The following KCNAB1 variants were observed in gnomAD, a reference collection of about 807,000 sequenced individuals.
The protein encoded by KCNAB1 is potassium voltage-gated channel subfamily A regulatory beta subunit 1, also known as voltage-gated potassium channel subunit beta-1.
Under a neutral mutation model 64.6 loss-of-function variants are expected in KCNAB1, and 35 were observed. That is an observed-to-expected ratio of 0.54 (90% CI 0.41 to 0.72). The LOEUF (loss-of-function observed/expected upper bound fraction) is 0.72. Ranked by LOEUF, KCNAB1 falls within the 30% of genes least tolerant of loss-of-function variation. The probability of loss-of-function intolerance (pLI) is 0.00; values close to 1 mark genes in which losing one functional copy is unlikely to be tolerated. For missense variants in KCNAB1, 401 were observed against 512.9 expected, an observed-to-expected ratio of 0.78 and a Z score of 2.11; for synonymous variants, 177 against 183.8, an observed-to-expected ratio of 0.96 and a Z score of 0.30.
At chr3:156,173,782 C>T (rs932913817) in intron 1 of KCNAB1, among the ~76,000 whole-genome samples, 1 of 152,186 alleles carries the variant, frequency 6.6e-6, no homozygotes, top group Non-Finnish European at 1.5e-5. Flanking sequence ...AAGGGTGTTT[C>T]CAATGAGATC....
intron 1 of KCNAB1, among the ~76,000 whole-genome samples, chr3:156,352,244 C>T (rs546210004): frequency 6.6e-6 from 1 of 152,310 alleles, no homozygotes; most frequent in East Asian, 1.9e-4. Context: ...AGTTCTCTTC[C>T]TTCCTCTGGC....
At chr3:156,413,527 T>TATC (rs1381774848) in intron 1 of KCNAB1, among the ~76,000 whole-genome samples, 1 of 152,202 alleles carries the variant, frequency 6.6e-6, no homozygotes, top group African/African-American at 2.4e-5. Flanking sequence ...TTTCTATTAT[T>TATC]ATCCCCATGT....
intron 1 of KCNAB1, among the ~76,000 whole-genome samples, chr3:156,379,576 T>C (rs966428292): frequency 6.6e-6 from 1 of 151,856 alleles, no homozygotes; most frequent in East Asian, 1.9e-4. Context: ...GCAGCAGGAG[T>C]GTGCCCAGCA....
chr3:156,507,542 G>T (rs1177247000), intron 8 of KCNAB1, among the ~76,000 whole-genome samples: 1 of 152,194 alleles, frequency 6.6e-6, no homozygotes, highest in Non-Finnish European at 1.5e-5. Flanking sequence ...CAGGCATCAA[G>T]CTGAGAGGAT....
chr3:156,456,631 CA>C (rs1712449576), intron 3 of KCNAB1, among the ~76,000 whole-genome samples: 2 of 152,126 alleles, frequency 1.3e-5, no homozygotes, highest in Non-Finnish European at 2.9e-5. Context: ...TTTAGCCTGC[CA>C]TCAAAACATA....
At chr3:156,193,035 C>T (rs1188323759) in intron 1 of KCNAB1, among the ~76,000 whole-genome samples, 1 of 151,860 alleles carries the variant, frequency 6.6e-6, no homozygotes, top group African/African-American at 2.4e-5. Flanking sequence ...TTTAAATCTA[C>T]CATTCTTGTA....
At chr3:156,263,882 G>A (rs944018054) in intron 1 of KCNAB1, among the ~76,000 whole-genome samples, 2 of 152,068 alleles carry the variant, frequency 1.3e-5, no homozygotes, top group African/African-American at 4.8e-5. Flanking sequence ...TCTGCAGATA[G>A]GGAGGGCCAA....
intron 1 of KCNAB1, among the ~76,000 whole-genome samples, chr3:156,331,788 A>G (rs1723350206): frequency 6.6e-6 from 1 of 152,202 alleles, no homozygotes; most frequent in African/African-American, 2.4e-5. Context: ...CTTGAAATCC[A>G]GACACCTGGA....
intron 8 of KCNAB1, among the ~76,000 whole-genome samples, chr3:156,501,963 T>G (rs1181758191): frequency 1.3e-5 from 2 of 152,086 alleles, no homozygotes; most frequent in Admixed American, 6.5e-5. Flanking sequence ...CTTGTGAGAC[T>G]TATTAACTAT....
chr3:156,341,169 G>A (rs1227232412), intron 1 of KCNAB1, among the ~76,000 whole-genome samples: 1 of 152,188 alleles, frequency 6.6e-6, no homozygotes, highest in Admixed American at 6.5e-5. Flanking sequence ...CACATTTATT[G>A]ATATAGATGT....
chr3:156,278,639 A>G (rs1576670559), intron 1 of KCNAB1, among the ~76,000 whole-genome samples: 2 of 152,190 alleles, frequency 1.3e-5, no homozygotes, highest in Admixed American at 1.3e-4. Flanking sequence ...TAGTTCATCA[A>G]TTCTCTGAAG....
chr3:156,412,516 T>C (rs918216146), intron 1 of KCNAB1, among the ~76,000 whole-genome samples: 1 of 152,356 alleles, frequency 6.6e-6, no homozygotes, highest in Admixed American at 6.5e-5. Flanking sequence ...GGATTGTTCA[T>C]TTAGTCACTG....
chr3:156,400,497 G>A (rs1438724711), intron 1 of KCNAB1, among the ~76,000 whole-genome samples: 4 of 152,090 alleles, frequency 2.6e-5, no homozygotes, highest in Non-Finnish European at 4.4e-5. Context: ...AATGCAAATC[G>A]GATGTTACTT....
chr3:156,289,085 A>G (rs1462849094), intron 1 of KCNAB1, among the ~76,000 whole-genome samples: 1 of 152,210 alleles, frequency 6.6e-6, no homozygotes, highest in East Asian at 1.9e-4. Context: ...TTTCATTCTA[A>G]TAACCTACTC....
chr3:156,302,749 T>C (rs1721240950), intron 1 of KCNAB1, among the ~76,000 whole-genome samples: 1 of 152,166 alleles, frequency 6.6e-6, no homozygotes. Context: ...TTTTCTTTTT[T>C]TGCTACCAAG....
chr3:156,256,597 T>A (rs1718113657), intron 1 of KCNAB1, among the ~76,000 whole-genome samples: 1 of 152,266 alleles, frequency 6.6e-6, no homozygotes, highest in African/African-American at 2.4e-5. Flanking sequence ...AAAAGCAGCG[T>A]TGAATCAGCC....
rs139605104 is a variant in KCNAB1, at chr3:156,310,530, A to C, written c.276-111086A>C. On this transcript the variant is annotated intron_variant, in intron 1 of 13. Transcript: ENST00000490337. ...GAAGCTATCAGCTTACCTGCTGGGC[A>C]TGGTGGCTTACGCCTGTAATCCCAG... Among the ~76,000 whole-genome samples the C allele has an allele frequency of 6.8e-3, 1,041 of 152,288 alleles. 8 individuals carry two copies. Among genetic ancestry groups the C allele is most frequent in the African/African-American group, 0.024 (1,002 of 41,544 alleles).
chr3:156,365,818 C>T (rs1016392652), intron 1 of KCNAB1, among the ~76,000 whole-genome samples: 3 of 152,200 alleles, frequency 2.0e-5, no homozygotes, highest in Non-Finnish European at 4.4e-5. Context: ...CAGGAGTTTA[C>T]AGCCTCATAC....
intron 2 of KCNAB1, among the ~76,000 whole-genome samples, chr3:156,437,286 G>A (rs925834665): frequency 1.3e-5 from 2 of 151,486 alleles, no homozygotes; most frequent in Non-Finnish European, 2.9e-5. Flanking sequence ...CTGTGAAATC[G>A]AAAATCTAAT....
Sources: allele counts gnomAD v4.1 joint callset (sites outside exome capture counted in the v4.1 genomes callset), GRCh38; gene constraint gnomAD v4.1.1; transcripts MANE v1.5; gene names NCBI Gene and HGNC (gene_info 2026-07-23, HGNC 2026-07-21).